Variants in PPARGC1A observed in about 807,000 individuals in gnomAD.
PPARGC1A encodes PPARG coactivator 1 alpha.
Under a neutral mutation model 88.7 loss-of-function variants are expected in PPARGC1A, and 25 were observed. The observed-to-expected ratio is 0.28, with a 90% confidence interval of 0.21 to 0.39. The LOEUF is 0.39. Among genes scored for constraint, PPARGC1A ranks in the 10% least tolerant of loss-of-function variants. The pLI, the probability that PPARGC1A is intolerant of heterozygous loss-of-function variation, is 1.00. For synonymous variants in PPARGC1A, 363 were observed against 355.6 expected (o/e 1.02, Z -0.24); for missense variants, 880 against 968.7 (o/e 0.91, Z 1.22).
At chr4:24,254,582 T>C in the PPARGC1A span, among the ~76,000 whole-genome samples, 126 of 152,320 alleles carry the variant, frequency 8.3e-4, 2 homozygotes, top group African/African-American at 2.5e-3. Flanking sequence ...TTTCACCTTG[T>C]CTAAATACAA....
At chr4:23,940,072 T>A in the PPARGC1A span, among the ~76,000 whole-genome samples, 1 of 152,214 alleles carries the variant, frequency 6.6e-6, no homozygotes, top group African/African-American at 2.4e-5. Flanking sequence ...AAGGCTCCCC[T>A]AATTTATACA....
chr4:24,013,596 GA>G, the PPARGC1A span, among the ~76,000 whole-genome samples: 1 of 152,138 alleles, frequency 6.6e-6, no homozygotes, highest in African/African-American at 2.4e-5. Flanking sequence ...CATTGCAAAA[GA>G]AGGGACTTAG....
the PPARGC1A span, among the ~76,000 whole-genome samples, chr4:24,339,939 G>T: frequency 6.6e-6 from 1 of 151,916 alleles, no homozygotes; most frequent in Non-Finnish European, 1.5e-5. Flanking sequence ...GGGTTTCACC[G>T]TGTTAGCCAG....
the PPARGC1A span, among the ~76,000 whole-genome samples, chr4:23,940,559 C>T: frequency 6.6e-6 from 1 of 152,182 alleles, no homozygotes; most frequent in African/African-American, 2.4e-5. Context: ...AAAGAAAAAT[C>T]TCATTTTTAC....
In PPARGC1A at chr4:23,792,552, T is replaced by C. The variant is rs1264872675; in HGVS notation, c.*3270A>G. On this transcript the variant is annotated 3_prime_UTR_variant, in exon 13 of 13. Coordinates refer to ENST00000264867, the MANE Select transcript of PPARGC1A (RefSeq NM_013261.5). ...AGCCCAACTGTTGTTCTCGGAGTCGTTTAGCAAAAAATTGATTTTGTTGCA... is the reference window on the plus strand; with the variant it reads ...AGCCCAACTGTTGTTCTCGGAGTCGCTTAGCAAAAAATTGATTTTGTTGCA... 2.6e-5 allele frequency: 4 copies of C among 152,450 alleles called. No individual in the cohort carries two copies. The Admixed American group carries it at 2.6e-4, about 10-fold the overall frequency. 9.4% of individuals were successfully genotyped at this position (152,450 alleles called of 1,614,324 possible).
chr4:24,318,688 CT>C, the PPARGC1A span, among the ~76,000 whole-genome samples: 1 of 152,204 alleles, frequency 6.6e-6, no homozygotes, highest in East Asian at 1.9e-4. Flanking sequence ...GCCTTATGTC[CT>C]TTCTTTGTCT....
At chr4:24,183,964 A>T in the PPARGC1A span, among the ~76,000 whole-genome samples, 2 of 152,232 alleles carry the variant, frequency 1.3e-5, no homozygotes, top group African/African-American at 4.8e-5. Context: ...AAAAAGTAAA[A>T]CAAAGCTGCT....
chr4:24,137,210 C>T, the PPARGC1A span, among the ~76,000 whole-genome samples: 2 of 151,654 alleles, frequency 1.3e-5, no homozygotes, highest in South Asian at 4.2e-4. Flanking sequence ...GAGATTAGGA[C>T]ACAGACACAC....
chr4:24,362,783 C>T, the PPARGC1A span, among the ~76,000 whole-genome samples: 3 of 152,292 alleles, frequency 2.0e-5, no homozygotes, highest in East Asian at 5.8e-4. Flanking sequence ...TTAAGCACCA[C>T]CACTCACTTC....
chr4:24,200,596 T>C, the PPARGC1A span, among the ~76,000 whole-genome samples: 1 of 119,584 alleles, frequency 8.4e-6, no homozygotes, highest in Non-Finnish European at 1.7e-5. Flanking sequence ...AACAGGGAAA[T>C]GGGATTGGAA....
the PPARGC1A span, among the ~76,000 whole-genome samples, chr4:23,974,181 A>G: frequency 6.6e-6 from 1 of 152,128 alleles, no homozygotes; most frequent in East Asian, 1.9e-4. Context: ...ATGGCAAAAA[A>G]CTGTTCCCTG....
chr4:24,118,480 T>C, the PPARGC1A span, among the ~76,000 whole-genome samples: 1 of 152,088 alleles, frequency 6.6e-6, no homozygotes, highest in African/African-American at 2.4e-5. Flanking sequence ...AAAACAGCAA[T>C]AGAATGTCAT....
chr4:23,975,058 G>A, the PPARGC1A span, among the ~76,000 whole-genome samples: 1 of 151,896 alleles, frequency 6.6e-6, no homozygotes, highest in Non-Finnish European at 1.5e-5. Flanking sequence ...CAGGAGAGAG[G>A]TTATAATGCA....
chr4:23,987,783 C>T, the PPARGC1A span, among the ~76,000 whole-genome samples: 6 of 151,958 alleles, frequency 3.9e-5, no homozygotes, highest in African/African-American at 1.4e-4. Context: ...AGGTTATCTA[C>T]AGATGCCTTT....
intron 10 of PPARGC1A, 66 bp downstream of exon 10, chr4:23,812,681 C>CA (rs564752073): frequency 9.5e-4 from 1,519 of 1,597,224 alleles, no homozygotes; most frequent in Non-Finnish European, 1.2e-3. Flanking sequence ...AATCTATCAC[C>CA]AAAAAAAGCA....
chr4:24,449,383 T>G, the PPARGC1A span, among the ~76,000 whole-genome samples: 1 of 152,242 alleles, frequency 6.6e-6, no homozygotes, highest in South Asian at 2.1e-4. Context: ...CCTATAACAC[T>G]TCCTGTTGCT....
the PPARGC1A span, among the ~76,000 whole-genome samples, chr4:24,231,750 T>G: frequency 6.6e-6 from 1 of 152,126 alleles, no homozygotes; most frequent in African/African-American, 2.4e-5. Context: ...TTTTTTTTCT[T>G]CCTTTTTTTG....
At chr4:23,831,789 C>A in intron 2 of PPARGC1A, 38 bp from the exon 3 acceptor site, 2 of 1,538,222 alleles carry the variant, frequency 1.3e-6, no homozygotes, top group South Asian at 1.1e-5. Context: ...GTGAGTTGAC[C>A]CTGGGAGGCA....
intron 2 of PPARGC1A, among the ~76,000 whole-genome samples, chr4:23,851,005 A>G (rs1200627570): frequency 6.6e-6 from 1 of 152,182 alleles, no homozygotes; most frequent in Admixed American, 6.5e-5. Context: ...TATTCTAGAA[A>G]AAATGTCATG....
Sources: gnomAD v4.1 joint callset for allele counts (sites outside exome capture counted in the v4.1 genomes callset) on GRCh38, gnomAD v4.1.1 for gene constraint, MANE v1.5 for transcripts, NCBI Gene and HGNC (gene_info 2026-07-23, HGNC 2026-07-21) for gene names.